Variants in ZNF469 observed in about 807,000 individuals in gnomAD.
ZNF469 encodes the protein zinc finger protein 469.
In ZNF469, 1 loss-of-function variant was observed where a neutral mutation model predicts 1.0. The observed-to-expected ratio is 1.00, with a 90% CI of 0.35 to 4.73. The LOEUF is 4.73. ZNF469 is among the 30% of genes most tolerant of loss of function. ZNF469 has a pLI of 0.16. For missense variants in ZNF469, 6,100 were observed against 5,356.3 expected, an observed-to-expected ratio of 1.14 and a Z score of -4.33; for synonymous variants, 2,703 against 2,363.4, an observed-to-expected ratio of 1.14 and a Z score of -4.17.
At chr16:88,404,728 G>T (rs1322613260) in intron 1 of ZNF469, among the ~76,000 whole-genome samples, 1 of 152,072 alleles carries the variant, frequency 6.6e-6, no homozygotes, top group African/African-American at 2.4e-5. Flanking sequence ...AGTGTGAGTG[G>T]CATTATGAGG....
the ZNF469 span, among the ~76,000 whole-genome samples, chr16:88,376,745 G>A: frequency 6.6e-6 from 1 of 152,240 alleles, no homozygotes; most frequent in Admixed American, 6.5e-5. Context: ...GGCTCGCGGG[G>A]TGTCCCGGCC....
the ZNF469 span, among the ~76,000 whole-genome samples, chr16:88,316,748 C>G: frequency 6.6e-6 from 1 of 151,856 alleles, no homozygotes; most frequent in African/African-American, 2.4e-5. Context: ...GGTTTCACCA[C>G]GTTGGCCAGG....
chr16:88,135,748 G>GTTTTATTCTTTT, the ZNF469 span, among the ~76,000 whole-genome samples: 39 of 66,924 alleles, frequency 5.8e-4, 16 homozygotes, highest in South Asian at 1.2e-3. Context: ...AGCTGGCCAT[G>GTTTTATTCTTTT]TTTTTTTTTT....
the ZNF469 span, among the ~76,000 whole-genome samples, chr16:88,125,639 G>T: frequency 6.6e-6 from 1 of 152,118 alleles, no homozygotes; most frequent in East Asian, 1.9e-4. Context: ...TCACTATCAG[G>T]TCTAGCTCAT....
the ZNF469 span, among the ~76,000 whole-genome samples, chr16:88,274,604 G>A: frequency 1.3e-5 from 2 of 152,206 alleles, no homozygotes; most frequent in Non-Finnish European, 1.5e-5. Context: ...ATTCTGGATC[G>A]GGCTCTGGTG....
the ZNF469 span, among the ~76,000 whole-genome samples, chr16:88,157,275 G>C: frequency 6.6e-6 from 1 of 152,078 alleles, no homozygotes; most frequent in Admixed American, 6.5e-5. Context: ...CTGAACACTC[G>C]GTGCCTGATG....
At chr16:88,345,044 C>T in the ZNF469 span, among the ~76,000 whole-genome samples, 1 of 152,318 alleles carries the variant, frequency 6.6e-6, no homozygotes, top group Middle Eastern at 3.4e-3. Context: ...TCTAGAAGGG[C>T]CTGAGAAGAC....
At chr16:88,275,943 G>A in the ZNF469 span, among the ~76,000 whole-genome samples, 57 of 152,244 alleles carry the variant, frequency 3.7e-4, no homozygotes, top group African/African-American at 1.3e-3. Flanking sequence ...TGGAAAACAC[G>A]GGAACAGGCC....
the ZNF469 span, among the ~76,000 whole-genome samples, chr16:88,122,638 G>A: frequency 7.6e-4 from 115 of 152,204 alleles, 1 homozygote; most frequent in Admixed American, 2.6e-3. Flanking sequence ...TACCCTGTGT[G>A]AGCCGGCAAC....
chr16:88,261,574 G>T, the ZNF469 span, among the ~76,000 whole-genome samples: 2 of 152,202 alleles, frequency 1.3e-5, no homozygotes, highest in Non-Finnish European at 2.9e-5. This position sits in a 1 kb window ranked among gnomAD's most constrained non-coding sequence, Gnocchi z 6.0. Flanking sequence ...AGAAGGGCAG[G>T]TCCTGGCCTT....
At chr16:88,329,394 A>G in the ZNF469 span, among the ~76,000 whole-genome samples, 4 of 152,300 alleles carry the variant, frequency 2.6e-5, no homozygotes, top group African/African-American at 9.6e-5. Context: ...CCTCCCACCA[A>G]CCGCACATCG....
chr16:88,144,847 C>A, the ZNF469 span, among the ~76,000 whole-genome samples: 1 of 149,458 alleles, frequency 6.7e-6, no homozygotes, highest in African/African-American at 2.5e-5. Flanking sequence ...TTTTTGCCCC[C>A]CTTTTTTTTT....
At chr16:88,131,341 A>C in the ZNF469 span, among the ~76,000 whole-genome samples, 1,132 of 143,694 alleles carry the variant, frequency 7.9e-3, no homozygotes, top group African/African-American at 0.028. Flanking sequence ...CCCTTGTGAC[A>C]CCTGTCTGGA....
At chr16:88,150,241 C>T in the ZNF469 span, among the ~76,000 whole-genome samples, 47 of 151,666 alleles carry the variant, frequency 3.1e-4, no homozygotes, top group Non-Finnish European at 4.4e-4. Context: ...ACCCGAGAGG[C>T]GGAGGTTGCA....
chr16:88,361,708 TC>T, the ZNF469 span, among the ~76,000 whole-genome samples: 1 of 152,120 alleles, frequency 6.6e-6, no homozygotes, highest in Non-Finnish European at 1.5e-5. Context: ...CTTTTTTTTT[TC>T]GTTGAAATCT....
the ZNF469 span, among the ~76,000 whole-genome samples, chr16:88,218,547 G>T: frequency 8.5e-5 from 13 of 152,160 alleles, no homozygotes; most frequent in African/African-American, 2.9e-4. Flanking sequence ...CGCAGAAAAA[G>T]CCTTTGACAA....
chr16:88,256,931 TTTCTTTCTTTCTTTCTTTCTTTTC>T, the ZNF469 span, among the ~76,000 whole-genome samples: 1 of 3,236 alleles, frequency 3.1e-4, no homozygotes. Flanking sequence ...TCTTTCTTTC[TTTCTTTCTTTCTTTCTTTCTTTTC>T]TTTTCTTTCG....
At chr16:88,268,833 C>T in the ZNF469 span, among the ~76,000 whole-genome samples, 1 of 152,180 alleles carries the variant, frequency 6.6e-6, no homozygotes, top group Non-Finnish European at 1.5e-5. Flanking sequence ...GTGTGGAAAA[C>T]GTGCAGCCCG....
chr16:88,108,185 G>T, the ZNF469 span, among the ~76,000 whole-genome samples: 1 of 145,828 alleles, frequency 6.9e-6, no homozygotes, highest in Admixed American at 6.7e-5. Context: ...GGGGATGGAG[G>T]TGCACATCTC....
Sources: allele counts gnomAD v4.1 joint callset (sites outside exome capture counted in the v4.1 genomes callset), GRCh38; gene constraint gnomAD v4.1.1; non-coding constraint Gnocchi (gnomAD v3.1); transcripts MANE v1.5; gene names NCBI Gene and HGNC (gene_info 2026-07-23, HGNC 2026-07-21).